The following UGT1A5 variants were observed in gnomAD, a reference collection of about 807,000 sequenced individuals.
UGT1A5 encodes the protein UDP glucuronosyltransferase family 1 member A5, also known as UDP-glucuronosyltransferase 1A5.
A neutral mutation model predicts 40.3 loss-of-function variants in UGT1A5; 29 were observed. The ratio of observed to expected loss-of-function variants is 0.72; its 90% CI spans 0.54 to 0.98. The LOEUF is 0.98. UGT1A5 is among the 50% of genes least tolerant of loss of function. UGT1A5 has a pLI of 0.00. For synonymous variants in UGT1A5, 257 were observed against 262.5 expected, an observed-to-expected ratio of 0.98 and a Z score of 0.20; for missense variants, 678 against 677.9, an observed-to-expected ratio of 1.00 and a Z score of 0.00.
intron 1 of UGT1A5, among the ~76,000 whole-genome samples, chr2:233,716,003 G>A (rs1213854851): frequency 6.6e-6 from 1 of 152,118 alleles, no homozygotes; most frequent in African/African-American, 2.4e-5. Context: ...AACCCAAAAT[G>A]ACTTTAATCT....
At chr2:233,770,071 ATTC>A (rs1346170672) in intron 4 of UGT1A5, 1 of 153,458 alleles carries the variant, frequency 6.5e-6, no homozygotes, top group Non-Finnish European at 1.5e-5. Context: ...TATAATTTTG[ATTC>A]TTTCTTCAGT....
At chr2:233,727,146 G>T (rs2077588157) in intron 1 of UGT1A5, among the ~76,000 whole-genome samples, 1 of 152,194 alleles carries the variant, frequency 6.6e-6, no homozygotes, top group Non-Finnish European at 1.5e-5. Context: ...GACCACACAG[G>T]TCAGTCTTTC....
At chr2:233,744,722 C>T (rs1486677492) in intron 1 of UGT1A5, among the ~76,000 whole-genome samples, 9 of 151,828 alleles carry the variant, frequency 5.9e-5, no homozygotes, top group Non-Finnish European at 1.2e-4. Flanking sequence ...GAGAGAATGA[C>T]GGTGAAAAAA....
At chr2:233,767,976 C>G in intron 3 of UGT1A5, 40 bp downstream of exon 3, 1 of 1,614,042 alleles carries the variant, frequency 6.2e-7, no homozygotes. Context: ...AAACCAGGGT[C>G]AAATTAAGAA....
chr2:233,730,151 G>T (rs947267148), intron 1 of UGT1A5, among the ~76,000 whole-genome samples: 3 of 152,154 alleles, frequency 2.0e-5, no homozygotes, highest in Admixed American at 2.0e-4. Flanking sequence ...AACTGTTAAG[G>T]GGTCTCTAGT....
At position 233,772,830 on chromosome 2, in the gene UGT1A5, T is replaced by G; in HGVS notation, c.*271T>G. ...CAGAGGACGTGCAGACAGGCTGGCA[T>G]TCTAGATTACTTTTCTTACTCTGAA... On this transcript the variant is annotated 3_prime_UTR_variant, in exon 5 of 5. Transcript: ENST00000373414. 8.7e-6 allele frequency: 8 copies of G among 916,310 alleles called. No homozygotes were observed. Among genetic ancestry groups the G allele is most frequent in the Non-Finnish European group, 1.2e-5 (8 of 660,510 alleles). 56.8% of individuals were successfully genotyped at this position (916,310 alleles called of 1,614,324 possible).
At chr2:233,761,732 T>TC (rs1575783874) in intron 1 of UGT1A5, among the ~76,000 whole-genome samples, 1 of 152,336 alleles carries the variant, frequency 6.6e-6, no homozygotes, top group East Asian at 1.9e-4. Flanking sequence ...GGTTTATTTT[T>TC]CCCCTACAGA....
intron 1 of UGT1A5, among the ~76,000 whole-genome samples, chr2:233,752,890 C>G (rs537828663): frequency 5.9e-5 from 9 of 152,204 alleles, no homozygotes; most frequent in African/African-American, 1.7e-4. Flanking sequence ...AACTAGCCAG[C>G]GTTGTTACAG....
At chr2:233,753,815 C>T (rs973351937) in intron 1 of UGT1A5, among the ~76,000 whole-genome samples, 12 of 152,170 alleles carry the variant, frequency 7.9e-5, no homozygotes, top group Admixed American at 5.2e-4. Context: ...TGGAGAACCA[C>T]GTTAGGGCTG....
At chr2:233,757,533 GGAA>G in intron 1 of UGT1A5, among the ~76,000 whole-genome samples, 1 of 52,410 alleles carries the variant, frequency 1.9e-5, no homozygotes, top group African/African-American at 1.3e-4. Context: ...TTGCCTGTAA[GGAA>G]TATATATATA....
At chr2:233,716,354 T>C (rs1201457600) in intron 1 of UGT1A5, among the ~76,000 whole-genome samples, 6 of 152,254 alleles carry the variant, frequency 3.9e-5, no homozygotes, top group Admixed American at 2.6e-4. Context: ...ACAATGTAGA[T>C]ACTTTGTGGG....
At position 233,760,643 on chromosome 2, in the gene UGT1A5, A is replaced by G. The variant is rs534521374; in HGVS notation, c.868-6391A>G. On this transcript the variant is annotated intron_variant, in intron 1 of 4. Coordinates refer to ENST00000373414, the MANE Select transcript of UGT1A5 (RefSeq NM_019078.2). ...AAAACATACAAGAAAATAAAAAAGG[A>G]CTCTGCTATGCTTTTGTCTGGCTGT... 5.0e-6 allele frequency: 8 copies of G among 1,614,148 alleles called. No individual in the cohort carries two copies. The South Asian group carries it at 8.8e-5, about 18-fold the overall frequency.
intron 1 of UGT1A5, among the ~76,000 whole-genome samples, chr2:233,751,256 G>C (rs772853409): frequency 1.3e-5 from 2 of 151,926 alleles, no homozygotes; most frequent in South Asian, 4.1e-4. Context: ...CATGGGGCCT[G>C]TAGCCCCCTT....
chr2:233,767,556 C>T (rs1699418440), intron 2 of UGT1A5, among the ~76,000 whole-genome samples: 1 of 152,172 alleles, frequency 6.6e-6, no homozygotes, highest in African/African-American at 2.4e-5. Flanking sequence ...GTTCTGCATC[C>T]ACTTGTTTCA....
At chr2:233,763,748 T>A (rs1698392875) in intron 1 of UGT1A5, among the ~76,000 whole-genome samples, 1 of 152,112 alleles carries the variant, frequency 6.6e-6, no homozygotes, top group African/African-American at 2.4e-5. Flanking sequence ...GTGTCTTTGG[T>A]GTGTCTGAAG....
Position 233,728,434 on chromosome 2 carries a change from T to C in UGT1A5, c.867+14576T>C, listed in dbSNP as rs547972941. On this transcript the variant is annotated intron_variant, in intron 1 of 4. Transcript: ENST00000373414. ...GATAGCAGCACCTCTTCTTCCATGG[T>C]GTATATGGAGAATCCTCAACAAAGT... Among the ~76,000 whole-genome samples, 3 of 152,272 alleles carry C rather than the reference T, an allele frequency of 2.0e-5. No homozygotes were observed. In the East Asian group the frequency reaches 5.8e-4, roughly 29 times the overall value.
intron 1 of UGT1A5, among the ~76,000 whole-genome samples, chr2:233,735,224 A>T (rs953132895): frequency 1.3e-5 from 2 of 152,126 alleles, no homozygotes; most frequent in African/African-American, 4.8e-5. Context: ...TATATTTAGG[A>T]TAGTTAGCTC....
At chr2:233,754,740 A>G (rs1278383852) in intron 1 of UGT1A5, 2 of 687,602 alleles carry the variant, frequency 2.9e-6, no homozygotes, top group Admixed American at 2.3e-5. Flanking sequence ...ACCGTAGGAC[A>G]TGCAGAAGGA....
At chr2:233,764,492 C>G (rs1698575712) in intron 1 of UGT1A5, among the ~76,000 whole-genome samples, 1 of 152,096 alleles carries the variant, frequency 6.6e-6, no homozygotes, top group African/African-American at 2.4e-5. Context: ...TGTTTATGGA[C>G]CTGTGGGTTC....
Sources: gnomAD v4.1 joint callset for allele counts (sites outside exome capture counted in the v4.1 genomes callset) on GRCh38, gnomAD v4.1.1 for gene constraint, MANE v1.5 for transcripts, NCBI Gene and HGNC (gene_info 2026-07-23, HGNC 2026-07-21) for gene names.